Variants in GALNT18 observed in about 807,000 individuals in gnomAD.
GALNT18 encodes polypeptide N-acetylgalactosaminyltransferase 18, also known as GalNAc-transferase 18.
GALNT18 carries 44 observed loss-of-function variants against 69.5 expected under a neutral mutation model. The ratio of observed to expected loss-of-function variants is 0.63; its 90% CI spans 0.50 to 0.81. The LOEUF (loss-of-function observed/expected upper bound fraction) is 0.81, where lower values mean the gene tolerates loss of function less well. Ranked by LOEUF, GALNT18 falls within the 40% of genes least tolerant of loss-of-function variation. The probability of loss-of-function intolerance (pLI) is 0.00; values close to 1 mark genes in which losing one functional copy is unlikely to be tolerated. For missense variants in GALNT18, 715 were observed against 810.0 expected (o/e 0.88, Z 1.42); for synonymous variants, 364 against 318.2 (o/e 1.14, Z -1.53).
chr11:11,609,135 G>A (rs532946159), intron 1 of GALNT18, among the ~76,000 whole-genome samples: 1 of 152,298 alleles, frequency 6.6e-6, no homozygotes, highest in South Asian at 2.1e-4. Context: ...AAGTACCCAG[G>A]AAGCAGCCAC....
At chr11:11,499,183 A>G (rs948575429) in intron 1 of GALNT18, among the ~76,000 whole-genome samples, 19 of 152,158 alleles carry the variant, frequency 1.2e-4, no homozygotes, top group African/African-American at 4.3e-4. Context: ...TTCACTTATG[A>G]CGGTCAACAT....
At chr11:11,522,590 A>G (rs1057228375) in intron 1 of GALNT18, among the ~76,000 whole-genome samples, 2 of 152,200 alleles carry the variant, frequency 1.3e-5, no homozygotes, top group African/African-American at 4.8e-5. Context: ...TCCATGCCAC[A>G]TGCCACGCTC....
intron 1 of GALNT18, among the ~76,000 whole-genome samples, chr11:11,539,173 G>T (rs1430607198): frequency 1.3e-5 from 2 of 152,208 alleles, no homozygotes; most frequent in Admixed American, 1.3e-4. Flanking sequence ...TCTGCCCTCA[G>T]ATCTGATATC....
chr11:11,494,011 T>C lies in GALNT18; in HGVS notation c.236-45075A>G, dbSNP rs1423603342. On this transcript the variant is annotated intron_variant, in intron 1 of 10. Transcript: ENST00000227756. This position sits in a 1 kb window ranked among gnomAD's most constrained non-coding sequence, Gnocchi z 5.7. ...GAGCACACATTACCTAAGCCATCGGTGCCTCTGTTTTCTCATCTATAAAAT... is the reference window on the plus strand; with the variant it reads ...GAGCACACATTACCTAAGCCATCGGCGCCTCTGTTTTCTCATCTATAAAAT... Among the ~76,000 whole-genome samples, 1 of 151,980 alleles carries C rather than the reference T, an allele frequency of 6.6e-6. No homozygotes were observed. The highest frequency in any genetic ancestry group is 2.4e-5 in the African/African-American group (1 of 41,272).
In GALNT18 at chr11:11,329,297, T is replaced by A. The variant is rs528572102; in HGVS notation, c.1417-2116A>T. On this transcript the variant is annotated intron_variant, in intron 8 of 10. Transcript: ENST00000227756. Reference sequence around the variant, plus strand: ...ATTCAGGGAAACCAGCTTTTAGGAATGCATCTATGTGTCAGGTACCATGTG... The same window carrying A: ...ATTCAGGGAAACCAGCTTTTAGGAAAGCATCTATGTGTCAGGTACCATGTG... Among the ~76,000 whole-genome samples, 4 of 151,268 alleles carry A rather than the reference T, an allele frequency of 2.6e-5. No homozygotes were observed. In the South Asian group the frequency reaches 8.4e-4, roughly 32 times the overall value.
At chr11:11,380,978 C>T (rs542390090) in intron 3 of GALNT18, among the ~76,000 whole-genome samples, 1 of 152,304 alleles carries the variant, frequency 6.6e-6, no homozygotes, top group Non-Finnish European at 1.5e-5. Context: ...TGTCCTCATT[C>T]CAGCCTGGAG....
At chr11:11,460,028 T>C (rs1856006340) in intron 1 of GALNT18, among the ~76,000 whole-genome samples, 1 of 152,106 alleles carries the variant, frequency 6.6e-6, no homozygotes, top group Admixed American at 6.6e-5. Context: ...GTCAAGTCCA[T>C]CCCACATCGC....
At chr11:11,510,217 G>A (rs756723236) in intron 1 of GALNT18, among the ~76,000 whole-genome samples, 10 of 152,232 alleles carry the variant, frequency 6.6e-5, no homozygotes, top group African/African-American at 9.6e-5. Context: ...CATGAAGGGT[G>A]TGGAAAGCCT....
intron 1 of GALNT18, among the ~76,000 whole-genome samples, chr11:11,565,619 T>G (rs1301074738): frequency 6.6e-6 from 1 of 152,204 alleles, no homozygotes. Context: ...ATTCATTCAG[T>G]AAACAATGGC....
chr11:11,299,280 G>T (rs1849452430), intron 9 of GALNT18, among the ~76,000 whole-genome samples: 1 of 152,172 alleles, frequency 6.6e-6, no homozygotes, highest in African/African-American at 2.4e-5. Context: ...AAGTGGCTGG[G>T]ATTACAGGCG....
chr11:11,423,069 A>C, intron 3 of GALNT18, among the ~76,000 whole-genome samples: 1 of 152,174 alleles, frequency 6.6e-6, no homozygotes, highest in East Asian at 1.9e-4. Context: ...CTACTGCGTA[A>C]GTGCGCACAC....
chr11:11,289,981 T>G (rs11021756), intron 10 of GALNT18, among the ~76,000 whole-genome samples: 7,317 of 152,280 alleles, frequency 0.048, 223 homozygotes, highest in Middle Eastern at 0.15. Flanking sequence ...AGTTCAGGAA[T>G]ACCCATGTCT....
rs1413807515 is a variant in GALNT18 at position 11,396,919 on chromosome 11, G to A, written c.596-17655C>T. On this transcript the variant is annotated intron_variant, in intron 3 of 10. Transcript: ENST00000227756. The surrounding 1 kb of genome is among the most constrained non-coding windows in gnomAD (Gnocchi z 5.2). ...GAGCTAACAACTTCCTCTCCCAGTG[G>A]CTGGAGAGAATGATGCCATAGTTCT... 6.6e-6 allele frequency among the ~76,000 whole-genome samples: 1 copy of A among 152,056 alleles called. No individual in the cohort carries two copies. The highest frequency in any genetic ancestry group is 1.9e-4 in the East Asian group (1 of 5,188).
At chr11:11,406,520 C>T (rs963889518) in intron 3 of GALNT18, among the ~76,000 whole-genome samples, 1 of 152,182 alleles carries the variant, frequency 6.6e-6, no homozygotes, top group African/African-American at 2.4e-5. Context: ...TCTCCAAAGT[C>T]GCTTGCAGAA....
At chr11:11,572,691 C>T (rs1300997634) in intron 1 of GALNT18, among the ~76,000 whole-genome samples, 2 of 152,176 alleles carry the variant, frequency 1.3e-5, no homozygotes, top group African/African-American at 2.4e-5. Context: ...CATGGCTGCC[C>T]GGTGCCCTTC....
intron 3 of GALNT18, among the ~76,000 whole-genome samples, chr11:11,424,660 T>C (rs888279361): frequency 6.6e-6 from 1 of 152,120 alleles, no homozygotes; most frequent in Non-Finnish European, 1.5e-5. Context: ...CTCACTGTAA[T>C]TTAGTCAGTC....
chr11:11,431,108 C>T (rs1249165279), intron 3 of GALNT18, among the ~76,000 whole-genome samples: 1 of 152,200 alleles, frequency 6.6e-6, no homozygotes, highest in African/African-American at 2.4e-5. Flanking sequence ...GTTCTCACTA[C>T]AGGGAAGAAA....
intron 3 of GALNT18, among the ~76,000 whole-genome samples, chr11:11,405,540 ATTT>A (rs1854570943): frequency 6.6e-6 from 1 of 152,026 alleles, no homozygotes; most frequent in Admixed American, 6.6e-5. Flanking sequence ...GGGCTTTTGG[ATTT>A]AGAGCAAAGA....
rs1191710765 is a variant in GALNT18 at position 11,523,365 on chromosome 11, G to C, written c.236-74429C>G. On this transcript the variant is annotated intron_variant, in intron 1 of 10. Transcript: ENST00000227756. The surrounding 1 kb of genome is among the most constrained non-coding windows in gnomAD (Gnocchi z 4.3). ...GGAAATGGAGGCTCATGGAAGTTAA[G>C]TAGCTTGCTTGCTCTGTGCAGAGGT... Among the ~76,000 whole-genome samples the C allele has an allele frequency of 6.6e-6, 1 of 152,142 alleles. No homozygotes were observed. Among genetic ancestry groups the C allele is most frequent in the Admixed American group, 6.5e-5 (1 of 15,278 alleles).
Sources: allele counts gnomAD v4.1 joint callset (sites outside exome capture counted in the v4.1 genomes callset), GRCh38; gene constraint gnomAD v4.1.1; non-coding constraint Gnocchi (gnomAD v3.1); transcripts MANE v1.5; gene names NCBI Gene and HGNC (gene_info 2026-07-23, HGNC 2026-07-21).